PRIM2: variants seen among roughly 807,000 people sequenced by gnomAD.
The protein encoded by PRIM2 is DNA primase subunit 2.
PRIM2 carries 39 observed loss-of-function variants against 67.3 expected under a neutral mutation model. The ratio of observed to expected loss-of-function variants is 0.58; its 90% CI spans 0.45 to 0.76. The LOEUF (loss-of-function observed/expected upper bound fraction) is 0.76. Among genes scored for constraint, PRIM2 ranks in the 30% least tolerant of loss-of-function variants. The pLI is 0.00. For missense variants in PRIM2, 398 were observed against 598.7 expected, an observed-to-expected ratio of 0.66 and a Z score of 3.50; for synonymous variants, 143 against 198.7, an observed-to-expected ratio of 0.72 and a Z score of 2.36.
At chr6:57,273,977 T>C in the PRIM2 span, among the ~76,000 whole-genome samples, 7 of 152,218 alleles carry the variant, frequency 4.6e-5, no homozygotes, top group Admixed American at 3.3e-4. Flanking sequence ...TGCCTGATCA[T>C]TCCTTTGGAA....
intron 5 of PRIM2, among the ~76,000 whole-genome samples, chr6:57,355,077 G>C (rs1285630581): frequency 6.6e-6 from 1 of 152,296 alleles, no homozygotes; most frequent in Admixed American, 6.5e-5. Context: ...GCTGAGGTGG[G>C]CAGTTCACTT....
rs34491627 is a variant in PRIM2 at position 57,418,383 on chromosome 6, GTTTTTTTTTTTTTTTTTTTT to G, written c.693+36230_693+36249del. 4.2e-4 allele frequency among the ~76,000 whole-genome samples: 20 copies of G among 47,240 alleles called. 1 individual carries two copies. The highest frequency in any genetic ancestry group is 1.4e-3 in the Admixed American group (4 of 2,782). 31.0% of individuals were successfully genotyped at this position (47,240 alleles called of 152,430 possible). ...TAAGGTAATGTTTCCTATGTGTGTG[GTTTTTTTTTTTTTTTTTTTT>G]TTTTTTTTTTTTTTAACAGATTCTC... On this transcript the variant is annotated intron_variant, in intron 7 of 13. Transcript: ENST00000615550.
intron 5 of PRIM2, among the ~76,000 whole-genome samples, chr6:57,337,364 T>C (rs1768292496): frequency 6.6e-6 from 1 of 152,034 alleles, no homozygotes; most frequent in Non-Finnish European, 1.5e-5. Context: ...GCAGACCTAA[T>C]AGACATCTAC....
chr6:57,519,530 C>T (rs1554348663), intron 8 of PRIM2, among the ~76,000 whole-genome samples: 1 of 152,198 alleles, frequency 6.6e-6, no homozygotes, highest in Non-Finnish European at 1.5e-5. Context: ...GGCTCTGTTC[C>T]GCCCGGCTCA....
chr6:57,415,682 C>G (rs575747391), intron 7 of PRIM2, among the ~76,000 whole-genome samples: 5 of 152,190 alleles, frequency 3.3e-5, no homozygotes, highest in African/African-American at 1.2e-4. Context: ...CCTCTCAAAG[C>G]ATTCTACTAC....
At chr6:57,279,811 T>C in the PRIM2 span, among the ~76,000 whole-genome samples, 2 of 152,154 alleles carry the variant, frequency 1.3e-5, no homozygotes, top group African/African-American at 4.8e-5. Flanking sequence ...AGCCAAAGTA[T>C]GGTACTATGG....
At chr6:57,505,578 A>G (rs1315567202) in intron 7 of PRIM2, among the ~76,000 whole-genome samples, 2 of 152,206 alleles carry the variant, frequency 1.3e-5, no homozygotes, top group South Asian at 2.1e-4. Context: ...GGGAATTACT[A>G]GATGATTTTA....
the PRIM2 span, among the ~76,000 whole-genome samples, chr6:57,241,092 T>A: frequency 6.6e-6 from 1 of 151,370 alleles, no homozygotes; most frequent in East Asian, 1.9e-4. Context: ...GGCATGGTGG[T>A]GGGCACCTGT....
intron 7 of PRIM2, among the ~76,000 whole-genome samples, chr6:57,454,048 G>C (rs1387781941): frequency 6.6e-6 from 1 of 152,298 alleles, no homozygotes; most frequent in East Asian, 1.9e-4. Flanking sequence ...AAATAATCAT[G>C]TGGTTTTTGT....
chr6:57,468,915 A>G (rs1314010160), intron 7 of PRIM2, among the ~76,000 whole-genome samples: 20 of 152,136 alleles, frequency 1.3e-4, no homozygotes, highest in African/African-American at 4.3e-4. Flanking sequence ...TTTGCTCTCT[A>G]GTTTATTTCA....
At chr6:57,389,069 C>A (rs1770242724) in intron 7 of PRIM2, among the ~76,000 whole-genome samples, 2 of 152,150 alleles carry the variant, frequency 1.3e-5, no homozygotes, top group African/African-American at 4.8e-5. Flanking sequence ...AGGCAAAAAT[C>A]TCTTTCTCCT....
At chr6:57,245,465 G>T in the PRIM2 span, among the ~76,000 whole-genome samples, 1 of 152,178 alleles carries the variant, frequency 6.6e-6, no homozygotes, top group East Asian at 1.9e-4. Flanking sequence ...TAGCCTTTGT[G>T]TGAGGTTTGG....
Position 57,326,837 on chromosome 6 carries a change from GAA to G in PRIM2, c.459+793_459+794del, listed in dbSNP as rs199730074. ...TACATATTGTAATTATATAAAAAAA[GAA>G]GAGATCTTTGGGACTCATTTAATGG... is the stretch of plus-strand genomic sequence containing the variant. On this transcript the variant is annotated intron_variant, in intron 5 of 13. Coordinates refer to ENST00000615550, the MANE Select transcript of PRIM2 (RefSeq NM_000947.5). Among the ~76,000 whole-genome samples the G allele has an allele frequency of 9.2e-3, 1,372 of 149,590 alleles. 17 individuals carry two copies. The highest frequency in any genetic ancestry group is 0.032 in the African/African-American group (1,294 of 40,830).
At chr6:57,469,878 T>C (rs1242997106) in intron 7 of PRIM2, among the ~76,000 whole-genome samples, 2 of 152,212 alleles carry the variant, frequency 1.3e-5, no homozygotes, top group Non-Finnish European at 2.9e-5. Flanking sequence ...CCACACAGAA[T>C]TATAAACTTC....
At chr6:57,473,809 A>T (rs1399152255) in intron 7 of PRIM2, among the ~76,000 whole-genome samples, 1 of 152,126 alleles carries the variant, frequency 6.6e-6, no homozygotes, top group African/African-American at 2.4e-5. Flanking sequence ...TATCTGAGGA[A>T]TATCTAGTCT....
intron 10 of PRIM2, among the ~76,000 whole-genome samples, chr6:57,585,070 C>T (rs1361544476): frequency 3.9e-5 from 6 of 152,140 alleles, no homozygotes; most frequent in Non-Finnish European, 5.9e-5. Flanking sequence ...GCAGTGTTTT[C>T]CAGCTGTGTT....
Position 57,646,308 on chromosome 6 carries a change from G to C in PRIM2, c.*150G>C. The C allele has an allele frequency of 1.6e-6, 1 of 629,724 alleles. No individual in the cohort carries two copies. The highest frequency in any genetic ancestry group is 2.8e-6 in the Non-Finnish European group (1 of 360,404). 39.0% of individuals were successfully genotyped at this position (629,724 alleles called of 1,614,324 possible). ...CAGCCTTGACCTTCCCAGCTCAAGT[G>C]ATCCTCCTACCTCAGCCTCCCAAGT... On this transcript the variant is annotated 3_prime_UTR_variant, in exon 14 of 14. Coordinates refer to ENST00000615550, the MANE Select transcript of PRIM2 (RefSeq NM_000947.5).
the PRIM2 span, among the ~76,000 whole-genome samples, chr6:57,223,726 G>T: frequency 1.2e-4 from 19 of 152,198 alleles, no homozygotes; most frequent in African/African-American, 4.3e-4. Flanking sequence ...GAGACTCAAG[G>T]TCACTAATCA....
At chr6:57,314,062 G>A (rs948161962), upstream of PRIM2, among the ~76,000 whole-genome samples, 1 of 152,212 alleles carries the variant, frequency 6.6e-6, no homozygotes, top group African/African-American at 2.4e-5. Flanking sequence ...TTTATTACAG[G>A]CTAAACTAGG....
Sources: gnomAD v4.1 joint callset for allele counts (sites outside exome capture counted in the v4.1 genomes callset) on GRCh38, gnomAD v4.1.1 for gene constraint, MANE v1.5 for transcripts, NCBI Gene and HGNC (gene_info 2026-07-23, HGNC 2026-07-21) for gene names.